TDRD3: variants seen among roughly 807,000 people sequenced by gnomAD.
The protein encoded by TDRD3 is tudor domain containing 3, also known as tudor domain-containing protein 3.
In TDRD3, 45 loss-of-function variants were observed where a neutral mutation model predicts 86.7. The observed-to-expected ratio is 0.52, with a 90% CI of 0.41 to 0.67. The LOEUF (loss-of-function observed/expected upper bound fraction) is 0.67. Ranked by LOEUF, TDRD3 falls within the 30% of genes least tolerant of loss-of-function variation. The pLI is 0.00. For synonymous variants in TDRD3, 298 were observed against 301.7 expected (o/e 0.99, Z 0.13); for missense variants, 814 against 889.0 (o/e 0.92, Z 1.07).
At chr13:60,497,788 A>G (rs193079993) in intron 8 of TDRD3, among the ~76,000 whole-genome samples, 2 of 152,064 alleles carry the variant, frequency 1.3e-5, no homozygotes, top group South Asian at 2.1e-4. Flanking sequence ...TTTTTTTGCT[A>G]GAAGAAACAG....
At chr13:60,515,704 A>G (rs144810108) in intron 10 of TDRD3, among the ~76,000 whole-genome samples, 458 of 152,334 alleles carry the variant, frequency 3.0e-3, no homozygotes, top group Non-Finnish European at 3.8e-3. Context: ...AAAATAAACA[A>G]ACAAACACAA....
At chr13:60,405,131 G>T (rs1238759979) in intron 1 of TDRD3, among the ~76,000 whole-genome samples, 1 of 152,082 alleles carries the variant, frequency 6.6e-6, no homozygotes, top group Non-Finnish European at 1.5e-5. Flanking sequence ...GTCTTTATCA[G>T]CAGCATGAAA....
chr13:60,452,668 G>C (rs1459723273), intron 3 of TDRD3, among the ~76,000 whole-genome samples: 1 of 151,946 alleles, frequency 6.6e-6, no homozygotes, highest in Admixed American at 6.6e-5. Context: ...ATATTCCATT[G>C]TATGGATATC....
chr13:60,509,789 A>G lies in TDRD3; in HGVS notation c.885A>G (p.Ile295Met). The G allele has an allele frequency of 1.2e-5, 19 of 1,613,828 alleles. No individual in the cohort carries two copies. Among genetic ancestry groups the G allele is most frequent in the East Asian group, 2.2e-5 (1 of 44,866 alleles). Reference sequence around the variant, plus strand: ...TTGATGAGAAAGCTCTGAAGCACATAACGGAAATGGGCTTCAGTAAGGAAG... The same window carrying G: ...TTGATGAGAAAGCTCTGAAGCACATGACGGAAATGGGCTTCAGTAAGGAAG... ...ELVDEKALKH[I>M]TEMGFSKEAS... Residue 295 changes from isoleucine (I) to methionine (M), a missense_variant, in exon 9 of 14, where the codon ATA (isoleucine) becomes ATG (methionine). By Grantham distance (10) the Ile-to-Met change is conservative (BLOSUM62 1). Transcript: ENST00000377881.
intron 2 of TDRD3, among the ~76,000 whole-genome samples, chr13:60,444,159 C>T (rs1162960000): frequency 6.6e-6 from 1 of 151,878 alleles, no homozygotes; most frequent in Non-Finnish European, 1.5e-5. Flanking sequence ...AATGAAATTA[C>T]TATAGTAAAG....
Position 60,510,622 on chromosome 13 carries a change from A to G in TDRD3, c.1016-8A>G. 1 of 1,585,620 alleles carries G rather than the reference A, an allele frequency of 6.3e-7. No individual in the cohort carries two copies. Among genetic ancestry groups the G allele is most frequent in the Non-Finnish European group, 8.6e-7 (1 of 1,168,526 alleles). On this transcript the variant is annotated splice_polypyrimidine_tract_variant and splice_region_variant and intron_variant, in intron 9 of 13. Coordinates refer to ENST00000377881, the MANE Select transcript of TDRD3 (RefSeq NM_001146070.2). The stretch of plus-strand genomic sequence containing the variant: ...TACAGTACATATTTCTTGCTTTTGC[A>G]TCTAAAGGTAGAGGAAAAGGCAGGG...
chr13:60,452,728 A>G (rs1213135291), intron 3 of TDRD3, among the ~76,000 whole-genome samples: 1 of 151,738 alleles, frequency 6.6e-6, no homozygotes. Context: ...AAGTAATTGC[A>G]GTTTTTTCCA....
intron 9 of TDRD3, 78 bp downstream of exon 9, chr13:60,509,997 T>C: frequency 6.6e-7 from 1 of 1,506,694 alleles, no homozygotes; most frequent in South Asian, 1.3e-5. Context: ...GAGGCTGTTA[T>C]TTCTGTGAGG....
At chr13:60,521,281 G>A (rs1008596556) in intron 10 of TDRD3, among the ~76,000 whole-genome samples, 2 of 152,096 alleles carry the variant, frequency 1.3e-5, no homozygotes, top group African/African-American at 4.8e-5. Flanking sequence ...TTTTGAACTT[G>A]GAGGCTTGTT....
At chr13:60,509,946 A>G (rs760771471) in intron 9 of TDRD3, 27 bp downstream of exon 9, 1 of 1,603,828 alleles carries the variant, frequency 6.2e-7, no homozygotes, top group African/African-American at 1.3e-5. Flanking sequence ...AGTGTGCCAG[A>G]TAGTATTGTT....
intron 13 of TDRD3, among the ~76,000 whole-genome samples, chr13:60,570,427 T>A (rs796634266): frequency 6.6e-6 from 1 of 152,180 alleles, no homozygotes. Context: ...AGCAAGGATG[T>A]GGAGAAAGGA....
chr13:60,437,226 A>T (rs888031484), intron 1 of TDRD3, among the ~76,000 whole-genome samples: 1 of 144,978 alleles, frequency 6.9e-6, no homozygotes, highest in Admixed American at 7.4e-5. Context: ...TCCCGGGTTC[A>T]AGCAATTATC....
At chr13:60,461,309 G>C (rs1955797799) in intron 4 of TDRD3, among the ~76,000 whole-genome samples, 1 of 152,080 alleles carries the variant, frequency 6.6e-6, no homozygotes, top group African/African-American at 2.4e-5. Flanking sequence ...TCATTTCCTA[G>C]GAAATCATTG....
At chr13:60,446,265 C>T (rs2137988245) in intron 3 of TDRD3, among the ~76,000 whole-genome samples, 1 of 152,168 alleles carries the variant, frequency 6.6e-6, no homozygotes, top group African/African-American at 2.4e-5. Flanking sequence ...CTCTGTTGCC[C>T]AGGCTGGAGT....
upstream of TDRD3, chr13:60,396,527 G>C (rs1340285172): frequency 2.0e-5 from 3 of 152,684 alleles, no homozygotes; most frequent in Admixed American, 2.0e-4. Context: ...GTGGTTGCCA[G>C]ATCTGGCAGT....
In TDRD3 at chr13:60,509,903, G is replaced by A. The variant is rs776257563; in HGVS notation, c.999G>A (p.Met333Ile). 116 of 1,613,548 alleles carry A rather than the reference G, an allele frequency of 7.2e-5. No individual in the cohort carries two copies. The highest frequency in any genetic ancestry group is 3.3e-4 in the Middle Eastern group (2 of 6,054). Residue 333 changes from methionine (M) to isoleucine (I), a missense_variant, in exon 9 of 14, where the codon ATG becomes ATA. Coordinates refer to ENST00000377881, the MANE Select transcript of TDRD3 (RefSeq NM_001146070.2). ...LLTSNKQKPV[M>I]GPPLRGRGKG... ...CAAGCAATAAACAGAAACCTGTTAT[G>A]GGTCCTCCTCTGAGAGGTATAATTT...
At chr13:60,525,624 A>G (rs1957411597) in intron 10 of TDRD3, among the ~76,000 whole-genome samples, 1 of 152,234 alleles carries the variant, frequency 6.6e-6, no homozygotes, top group Non-Finnish European at 1.5e-5. Context: ...CAATTCAGTA[A>G]CTGAAAATAA....
Position 60,496,159 on chromosome 13 carries a change from T to A in TDRD3, c.858+1584T>A, listed in dbSNP as rs1017419315. On this transcript the variant is annotated intron_variant, in intron 8 of 13. Coordinates refer to ENST00000377881, the MANE Select transcript of TDRD3 (RefSeq NM_001146070.2). ...CCCAGCCTACATCTTTATCCTGTGCTGGATGCTTCCTAACCTCAAACATCA... is the reference window on the plus strand; with the variant it reads ...CCCAGCCTACATCTTTATCCTGTGCAGGATGCTTCCTAACCTCAAACATCA... Among the ~76,000 whole-genome samples, 5 of 151,380 alleles carry A rather than the reference T, an allele frequency of 3.3e-5. 1 individual carries two copies. In the East Asian group the frequency reaches 9.8e-4, roughly 30 times the overall value.
chr13:60,466,245 T>A (rs1955923779), intron 4 of TDRD3, among the ~76,000 whole-genome samples: 1 of 152,198 alleles, frequency 6.6e-6, no homozygotes, highest in Admixed American at 6.5e-5. Context: ...GGTTTATTAC[T>A]GGTCAGATAT....
Sources: gnomAD v4.1 joint callset for allele counts (sites outside exome capture counted in the v4.1 genomes callset) on GRCh38, gnomAD v4.1.1 for gene constraint, MANE v1.5 for transcripts, NCBI Gene and HGNC (gene_info 2026-07-23, HGNC 2026-07-21) for gene names.